Variants in CDH2 observed in about 807,000 individuals in gnomAD.
CDH2 encodes the protein cadherin 2.
In CDH2, 17 loss-of-function variants were observed where a neutral mutation model predicts 92.0. The ratio of observed to expected loss-of-function variants is 0.18; its 90% CI spans 0.13 to 0.28. CDH2 has a LOEUF of 0.28. Ranked by LOEUF, CDH2 falls within the 10% of genes least tolerant of loss-of-function variation. The pLI, the probability that CDH2 is intolerant of heterozygous loss-of-function variation, is 1.00. For synonymous variants in CDH2, 419 were observed against 415.9 expected, an observed-to-expected ratio of 1.01 and a Z score of -0.09; for missense variants, 862 against 1,133.1, an observed-to-expected ratio of 0.76 and a Z score of 3.44.
At chr18:28,045,416 T>C (rs1278025014) in intron 2 of CDH2, 2 of 468,948 alleles carry the variant, frequency 4.3e-6, no homozygotes. Context: ...CCTACTCCTT[T>C]GAGTGTTACA....
rs1229983095 is a variant in CDH2 at position 27,987,964 on chromosome 18, T to C, written c.1741+560A>G. On this transcript the variant is annotated intron_variant, in intron 11 of 15. Transcript: ENST00000269141. Reference sequence around the variant, plus strand: ...AGGTTTACAAAAGTCCCCTTTATATTACATATCTGAAAAAAGTCCTTATCT... The same window carrying C: ...AGGTTTACAAAAGTCCCCTTTATATCACATATCTGAAAAAAGTCCTTATCT... Among the ~76,000 whole-genome samples the C allele has an allele frequency of 3.9e-5, 6 of 152,152 alleles. No individual in the cohort carries two copies. The East Asian group carries it at 9.7e-4, about 25-fold the overall frequency.
At chr18:27,998,126 C>T (rs939004090) in intron 7 of CDH2, among the ~76,000 whole-genome samples, 1 of 152,128 alleles carries the variant, frequency 6.6e-6, no homozygotes, top group Non-Finnish European at 1.5e-5. Context: ...AAATTCTTAA[C>T]TGCTAAGCCC....
chr18:28,004,901 G>A (rs780782577), intron 6 of CDH2, among the ~76,000 whole-genome samples: 17 of 152,134 alleles, frequency 1.1e-4, no homozygotes, highest in Non-Finnish European at 2.1e-4. Flanking sequence ...GAAAATGTAT[G>A]TGTTTGAGGC....
At chr18:28,008,134 C>T (rs1207413156) in intron 5 of CDH2, among the ~76,000 whole-genome samples, 2 of 152,130 alleles carry the variant, frequency 1.3e-5, no homozygotes, top group African/African-American at 4.8e-5. Flanking sequence ...CACAGGAATT[C>T]AGAAAGCGAG....
intron 2 of CDH2, among the ~76,000 whole-genome samples, chr18:28,121,982 G>T (rs1328225163): frequency 6.6e-6 from 1 of 152,108 alleles, no homozygotes; most frequent in Non-Finnish European, 1.5e-5. Context: ...GATAGAAAAT[G>T]AGGGTGGTCT....
intron 2 of CDH2, among the ~76,000 whole-genome samples, chr18:28,126,608 A>C (rs1022707097): frequency 6.6e-6 from 1 of 152,216 alleles, no homozygotes; most frequent in African/African-American, 2.4e-5. Flanking sequence ...GGGGGCTTCT[A>C]ATCTCTCATC....
intron 14 of CDH2, among the ~76,000 whole-genome samples, chr18:27,982,079 CTTAACTTGGT>C (rs2012073465): frequency 6.6e-6 from 1 of 152,130 alleles, no homozygotes; most frequent in African/African-American, 2.4e-5. Context: ...TCTAACCATC[CTTAACTTGGT>C]TTTATACCAC....
chr18:28,050,846 A>G (rs1599063176), intron 2 of CDH2, among the ~76,000 whole-genome samples: 1 of 152,328 alleles, frequency 6.6e-6, no homozygotes, highest in Admixed American at 6.5e-5. Flanking sequence ...GATAGTCATA[A>G]GTTTTAGCTC....
intron 1 of CDH2, among the ~76,000 whole-genome samples, chr18:28,164,140 T>A (rs1431840563): frequency 2.6e-5 from 4 of 152,170 alleles, no homozygotes; most frequent in Non-Finnish European, 5.9e-5. Context: ...CATATATATA[T>A]AAAATACAAA....
intron 9 of CDH2, among the ~76,000 whole-genome samples, chr18:27,991,708 C>A (rs2143972867): frequency 6.6e-6 from 1 of 152,288 alleles, no homozygotes; most frequent in African/African-American, 2.4e-5. Flanking sequence ...ACACAGACAG[C>A]AGACTCAAGT....
At chr18:27,959,637 A>G (rs747869326) in intron 15 of CDH2, 1 of 152,156 alleles carries the variant, frequency 6.6e-6, no homozygotes, top group African/African-American at 2.4e-5. Context: ...TATTTTGGAG[A>G]GTTATTACTG....
intron 2 of CDH2, among the ~76,000 whole-genome samples, chr18:28,107,855 A>G (rs558490650): frequency 6.6e-6 from 1 of 152,326 alleles, no homozygotes; most frequent in South Asian, 2.1e-4. Context: ...TTTGTAGTCT[A>G]GCGGAAAAGA....
Position 27,984,986 on chromosome 18 carries a change from A to G in CDH2, c.2209+14T>C. 1.3e-6 allele frequency: 2 copies of G among 1,594,014 alleles called. No homozygotes were observed. The highest frequency in any genetic ancestry group is 8.6e-7 in the Non-Finnish European group (1 of 1,161,836). On this transcript the variant is annotated intron_variant, in intron 13 of 15. Coordinates refer to ENST00000269141, the MANE Select transcript of CDH2 (RefSeq NM_001792.5). Reference sequence around the variant, plus strand: ...CAAGAGAACTGAAATCTAAAAGACAATAAAAGTACTCACTAAGCAGGATGA... The same window carrying G: ...CAAGAGAACTGAAATCTAAAAGACAGTAAAAGTACTCACTAAGCAGGATGA...
At chr18:28,169,582 A>G (rs1369114215) in intron 1 of CDH2, among the ~76,000 whole-genome samples, 2 of 152,208 alleles carry the variant, frequency 1.3e-5, no homozygotes, top group Non-Finnish European at 2.9e-5. Flanking sequence ...TATAATGGCC[A>G]ATTAATGTTT....
chr18:28,166,149 C>CAT (rs35562216), intron 1 of CDH2, among the ~76,000 whole-genome samples: 1,365 of 59,276 alleles, frequency 0.023, 105 homozygotes, highest in African/African-American at 0.097. Context: ...CAGACACACT[C>CAT]ATATATATAT....
At chr18:28,041,579 A>G (rs1054885020) in intron 2 of CDH2, among the ~76,000 whole-genome samples, 2 of 152,188 alleles carry the variant, frequency 1.3e-5, no homozygotes, top group South Asian at 2.1e-4. Flanking sequence ...ACAGCAGTGC[A>G]CGCAACACTG....
chr18:28,128,686 A>C (rs1447054255), intron 2 of CDH2, among the ~76,000 whole-genome samples: 1 of 139,166 alleles, frequency 7.2e-6, no homozygotes, highest in African/African-American at 2.7e-5. Context: ...ACCCCGTCTC[A>C]AAAAAAAAAA....
chr18:27,984,210 A>G (rs1303853531), intron 13 of CDH2, among the ~76,000 whole-genome samples: 1 of 152,202 alleles, frequency 6.6e-6, no homozygotes, highest in Admixed American at 6.5e-5. Context: ...GAAAACATAA[A>G]AGAAATGGCC....
chr18:28,096,800 G>T (rs1599098075), intron 2 of CDH2, among the ~76,000 whole-genome samples: 1 of 152,184 alleles, frequency 6.6e-6, no homozygotes, highest in East Asian at 1.9e-4. Flanking sequence ...AATGCCACGT[G>T]CACTTTGTAA....
Sources: gnomAD v4.1 joint callset for allele counts (sites outside exome capture counted in the v4.1 genomes callset) on GRCh38, gnomAD v4.1.1 for gene constraint, MANE v1.5 for transcripts, NCBI Gene and HGNC (gene_info 2026-07-23, HGNC 2026-07-21) for gene names.